Variants in SKAP2 observed in about 807,000 individuals in gnomAD.
SKAP2 encodes src kinase-associated phosphoprotein 2.
In SKAP2, 28 loss-of-function variants were observed where a neutral mutation model predicts 54.9. The ratio of observed to expected loss-of-function variants is 0.51; its 90% CI spans 0.38 to 0.70. SKAP2 has a LOEUF of 0.70. Ranked by LOEUF, SKAP2 falls within the 30% of genes least tolerant of loss-of-function variation. The pLI, the probability that SKAP2 is intolerant of heterozygous loss-of-function variation, is 0.00. For synonymous variants in SKAP2, 137 were observed against 134.3 expected (o/e 1.02, Z -0.14); for missense variants, 356 against 424.1 (o/e 0.84, Z 1.41).
At chr7:26,782,212 T>C (rs1328118069) in intron 4 of SKAP2, among the ~76,000 whole-genome samples, 1 of 152,188 alleles carries the variant, frequency 6.6e-6, no homozygotes, top group Admixed American at 6.5e-5. Flanking sequence ...AGAAAATTCT[T>C]GTTGCCACTG....
intron 6 of SKAP2, among the ~76,000 whole-genome samples, chr7:26,732,527 A>T (rs1336241184): frequency 6.6e-6 from 1 of 152,226 alleles, no homozygotes; most frequent in East Asian, 1.9e-4. Flanking sequence ...GCTAGCAAAC[A>T]AAAATATGAA....
At chr7:26,736,035 T>G (rs187212742) in intron 6 of SKAP2, among the ~76,000 whole-genome samples, 195 of 152,230 alleles carry the variant, frequency 1.3e-3, no homozygotes, top group Non-Finnish European at 2.1e-3. Context: ...TCTTCAGACA[T>G]CAACATGAAA....
At chr7:26,861,736 A>G (rs560222130) in intron 1 of SKAP2, among the ~76,000 whole-genome samples, 4 of 151,858 alleles carry the variant, frequency 2.6e-5, no homozygotes, top group South Asian at 4.2e-4. Context: ...ACAGAAAAAT[A>G]AAGAGAAAGA....
At chr7:26,677,394 T>TAAAAA (rs1322136047) in intron 11 of SKAP2, among the ~76,000 whole-genome samples, 10 of 72,876 alleles carry the variant, frequency 1.4e-4, no homozygotes, top group African/African-American at 1.6e-4. Context: ...TCTGTCTCAA[T>TAAAAA]AAAAAAAAAA....
At chr7:26,803,156 G>T (rs1025774606) in intron 4 of SKAP2, among the ~76,000 whole-genome samples, 1 of 152,032 alleles carries the variant, frequency 6.6e-6, no homozygotes, top group Admixed American at 6.6e-5. Flanking sequence ...TCACAGCAAA[G>T]AATACAATCA....
intron 9 of SKAP2, among the ~76,000 whole-genome samples, chr7:26,725,175 G>C (rs1012087909): frequency 3.3e-5 from 5 of 152,082 alleles, no homozygotes; most frequent in Non-Finnish European, 7.4e-5. Flanking sequence ...AGTCCCAAGA[G>C]ATTAGTATTG....
At chr7:26,798,051 A>G (rs995072491) in intron 4 of SKAP2, among the ~76,000 whole-genome samples, 2 of 152,052 alleles carry the variant, frequency 1.3e-5, no homozygotes, top group Non-Finnish European at 2.9e-5. Flanking sequence ...GAGAACTTCC[A>G]ACTCCTAAAG....
intron 4 of SKAP2, among the ~76,000 whole-genome samples, chr7:26,774,500 TG>T (rs1372354372): frequency 4.4e-5 from 2 of 45,578 alleles, no homozygotes; most frequent in Admixed American, 2.0e-4. Flanking sequence ...AAGATCAAGT[TG>T]TGTGTGTGTG....
intron 9 of SKAP2, among the ~76,000 whole-genome samples, chr7:26,717,605 C>G (rs1452743432): frequency 1.5e-5 from 2 of 137,526 alleles, no homozygotes; most frequent in African/African-American, 5.3e-5. Flanking sequence ...GTGGGCGAAT[C>G]ACCTGAGGTC....
At chr7:26,789,274 A>C (rs949917483) in intron 4 of SKAP2, among the ~76,000 whole-genome samples, 9 of 152,228 alleles carry the variant, frequency 5.9e-5, no homozygotes, top group Admixed American at 5.2e-4. Context: ...TTTATTACAT[A>C]GTTAAGTTCA....
At chr7:26,810,890 C>A (rs1388776213) in intron 4 of SKAP2, among the ~76,000 whole-genome samples, 2 of 152,172 alleles carry the variant, frequency 1.3e-5, no homozygotes, top group African/African-American at 4.8e-5. Context: ...CCATGTTGCA[C>A]AAGATGGTCT....
intron 1 of SKAP2, chr7:26,857,665 T>A: frequency 1.0e-6 from 1 of 985,370 alleles, no homozygotes; most frequent in South Asian, 4.7e-5. Context: ...AGGGTTCCTC[T>A]CAGGCGGAGC....
At chr7:26,840,379 G>C (rs555890968) in intron 4 of SKAP2, among the ~76,000 whole-genome samples, 1 of 152,038 alleles carries the variant, frequency 6.6e-6, no homozygotes, top group Admixed American at 6.6e-5. Context: ...TTACCTTAGA[G>C]ACTTTCCATA....
At chr7:26,776,238 T>C (rs10951149) in intron 4 of SKAP2, among the ~76,000 whole-genome samples, 57,741 of 151,786 alleles carry the variant, frequency 0.38, 11,594 homozygotes, top group Middle Eastern at 0.49. Context: ...CTCCCAGCAT[T>C]CTATCTTCAG....
chr7:26,769,457 C>T lies in SKAP2; in HGVS notation c.308-29493G>A, dbSNP rs545654214. ...CCCACCTTCTGAAGCCTATTTCTGT[C>T]AATTCATCAAACTCACTCTCCATCC... On this transcript the variant is annotated intron_variant, in intron 4 of 12. Coordinates refer to ENST00000345317, the MANE Select transcript of SKAP2 (RefSeq NM_003930.5). 2.6e-3 allele frequency among the ~76,000 whole-genome samples: 399 copies of T among 152,292 alleles called. 1 individual carries two copies. Among genetic ancestry groups the T allele is most frequent in the Non-Finnish European group, 4.8e-3 (326 of 68,030 alleles).
At chr7:26,699,801 T>C (rs930869254) in intron 9 of SKAP2, among the ~76,000 whole-genome samples, 1 of 152,182 alleles carries the variant, frequency 6.6e-6, no homozygotes, top group African/African-American at 2.4e-5. Flanking sequence ...TATCTAAACA[T>C]TGTTCATCCA....
chr7:26,769,595 A>T (rs1344326398), intron 4 of SKAP2, among the ~76,000 whole-genome samples: 1 of 117,212 alleles, frequency 8.5e-6, no homozygotes, highest in Admixed American at 8.0e-5. Context: ...TCATGGATTT[A>T]TCTACCTTTG....
intron 4 of SKAP2, among the ~76,000 whole-genome samples, chr7:26,819,189 T>C (rs1370673304): frequency 6.6e-6 from 1 of 152,112 alleles, no homozygotes; most frequent in African/African-American, 2.4e-5. Flanking sequence ...CCATCAATGA[T>C]AGACTGGATA....
intron 4 of SKAP2, among the ~76,000 whole-genome samples, chr7:26,828,624 C>A (rs1784541688): frequency 6.7e-6 from 1 of 150,328 alleles, no homozygotes; most frequent in South Asian, 2.1e-4. Flanking sequence ...TTGCAGTGAG[C>A]CAAGATTGAG....
Sources: allele counts gnomAD v4.1 joint callset (sites outside exome capture counted in the v4.1 genomes callset), GRCh38; gene constraint gnomAD v4.1.1; transcripts MANE v1.5; gene names NCBI Gene and HGNC (gene_info 2026-07-23, HGNC 2026-07-21).